ABCC3: variants seen among roughly 807,000 people sequenced by gnomAD.
ABCC3 encodes the protein ATP-binding cassette sub-family C member 3.
Under a neutral mutation model 165.3 loss-of-function variants are expected in ABCC3, and 121 were observed. The ratio of observed to expected loss-of-function variants is 0.73; its 90% CI spans 0.63 to 0.85. The LOEUF (loss-of-function observed/expected upper bound fraction) is 0.85, where lower values mean the gene tolerates loss of function less well. Among genes scored for constraint, ABCC3 ranks in the 40% least tolerant of loss-of-function variants. The pLI is 0.00. For missense variants in ABCC3, 1,869 were observed against 1,964.1 expected (o/e 0.95, Z 0.92); for synonymous variants, 733 against 810.1 (o/e 0.90, Z 1.62).
At chr17:50,640,784 A>C (rs1300299746) in intron 1 of ABCC3, among the ~76,000 whole-genome samples, 1 of 152,182 alleles carries the variant, frequency 6.6e-6, no homozygotes, top group Non-Finnish European at 1.5e-5. Context: ...CGGCCTCCCA[A>C]AGTGCTGGGA....
chr17:50,688,860 G>T (rs115302716), intron 30 of ABCC3, among the ~76,000 whole-genome samples: 1 of 150,984 alleles, frequency 6.6e-6, no homozygotes, highest in Non-Finnish European at 1.5e-5. Context: ...CCAAGATTAC[G>T]CCAGGACACT....
In ABCC3 at chr17:50,661,005, C is replaced by G. The variant is rs1173003953; in HGVS notation, c.889C>G (p.Pro297Ala). The G allele has an allele frequency of 6.2e-7, 1 of 1,614,104 alleles. No homozygotes were observed. Among genetic ancestry groups the G allele is most frequent in the South Asian group, 1.1e-5 (1 of 91,080 alleles). ...LLGARPRPRK[P>A]SFLKALLATF... is the part of the protein sequence containing the mutation. The stretch of plus-strand genomic sequence containing the variant: ...GGGTGCCCGGCCCAGGCCCCGGAAG[C>G]CCTCCTTCCTGAAGGCCCTGCTGGC... The change falls in exon 8 of 31, where the codon CCC becomes GCC. Residue 297 changes from proline to alanine, a missense_variant. Coordinates refer to ENST00000285238, the MANE Select transcript of ABCC3 (RefSeq NM_003786.4).
At chr17:50,651,000 G>A (rs531354477) in intron 1 of ABCC3, among the ~76,000 whole-genome samples, 2 of 146,628 alleles carry the variant, frequency 1.4e-5, no homozygotes, top group African/African-American at 5.0e-5. Flanking sequence ...AGGAGGTGGA[G>A]GTTGCAGTGA....
At chr17:50,680,045 C>A in intron 26 of ABCC3, 146 bp downstream of exon 26, 1 of 644,466 alleles carries the variant, frequency 1.6e-6, no homozygotes, top group South Asian at 1.8e-5. Flanking sequence ...GAGCATCAAC[C>A]AATGCTCTAT....
chr17:50,673,902 T>C (rs982926900), intron 19 of ABCC3, among the ~76,000 whole-genome samples: 8 of 9,294 alleles, frequency 8.6e-4, no homozygotes, highest in African/African-American at 3.9e-3. Flanking sequence ...AGAGCCTGTT[T>C]TCTTTCTTTC....
At chr17:50,660,812 A>C in intron 7 of ABCC3, 111 bp from the exon 8 acceptor site, 2 of 855,924 alleles carry the variant, frequency 2.3e-6, no homozygotes, top group South Asian at 1.7e-5. Flanking sequence ...TCTGAGAGCC[A>C]AGAAAACAGC....
rs577246238 is a variant in ABCC3 at position 50,673,139 on chromosome 17, G to A, written c.2409+1G>A. The A allele has an allele frequency of 2.5e-6, 4 of 1,613,682 alleles. No homozygotes were observed. The highest frequency in any genetic ancestry group is 3.3e-5 in the Admixed American group (2 of 60,032). ...GCCAGAAGGCGTGCTGGCAGGCAAGGTGAGGCCTGCCAGAGGCTAAGGGGG... is the reference window on the plus strand; with the variant it reads ...GCCAGAAGGCGTGCTGGCAGGCAAGATGAGGCCTGCCAGAGGCTAAGGGGG... On this transcript the variant is annotated splice_donor_variant, in intron 18 of 30. Coordinates refer to ENST00000285238, the MANE Select transcript of ABCC3 (RefSeq NM_003786.4). LOFTEE classifies it high-confidence loss of function.
chr17:50,674,569 A>G (rs1372123110), intron 19 of ABCC3: 1 of 152,344 alleles, frequency 6.6e-6, no homozygotes, highest in African/African-American at 2.4e-5. Context: ...CAAAAAAATT[A>G]TAGTCCTCAT....
At position 50,676,619 on chromosome 17, in the gene ABCC3, G is replaced by C. The variant is rs367642973; in HGVS notation, c.3378+31G>C. ...GGGTGGGCGTGATTCCAGTGTGGGC[G>C]TGGTGTTATTGGGGCGGGGCAACAC... On this transcript the variant is annotated intron_variant, in intron 23 of 30. Transcript: ENST00000285238. 3.8e-6 allele frequency: 6 copies of C among 1,560,676 alleles called. No homozygotes were observed. In the African/African-American group the frequency reaches 5.4e-5, roughly 14 times the overall value.
rs964320698 is a variant in ABCC3, at chr17:50,634,964, C to A, written c.28C>A (p.Leu10Ile). MDALCGSGELGSKFWDSNLS... is the reference protein window; with the variant it reads MDALCGSGEIGSKFWDSNLS... ...GGACGCCCTGTGCGGTTCCGGGGAG[C>A]TCGGCTCCAAGTTCTGGGTAAGGCG... is the stretch of plus-strand genomic sequence containing the variant. Residue 10 changes from leucine to isoleucine, a missense_variant, in exon 1 of 31, where the codon CTC becomes ATC. Leu to Ile is a conservative substitution (Grantham distance 5). Transcript: ENST00000285238. The A allele has an allele frequency of 2.5e-5, 32 of 1,260,486 alleles. No individual in the cohort carries two copies. Among genetic ancestry groups the A allele is most frequent in the Non-Finnish European group, 3.1e-5 (31 of 1,000,616 alleles). 78.1% of individuals were successfully genotyped at this position (1,260,486 alleles called of 1,614,324 possible).
chr17:50,639,912 C>T (rs771147985), intron 1 of ABCC3, among the ~76,000 whole-genome samples: 5 of 152,032 alleles, frequency 3.3e-5, no homozygotes, highest in Admixed American at 2.0e-4. Flanking sequence ...TACAGGTGCA[C>T]ACCACCATGC....
In ABCC3 at chr17:50,661,010, CT is replaced by C; in HGVS notation, c.896del (p.Phe299SerfsTer2). The C allele has an allele frequency of 6.2e-7, 1 of 1,614,138 alleles. No individual in the cohort carries two copies. Among genetic ancestry groups the C allele is most frequent in the Non-Finnish European group, 8.5e-7 (1 of 1,180,010 alleles). ...GARPRPRKPSFLKALLATFGS... is the reference protein window; with the variant it reads ...GARPRPRKPSXLKALLATFGS... ...CCCGGCCCAGGCCCCGGAAGCCCTC[CT>C]TCCTGAAGGCCCTGCTGGCCACCTT... is the stretch of plus-strand genomic sequence containing the variant. On this transcript the variant is annotated frameshift_variant, in exon 8 of 31. Coordinates refer to ENST00000285238, the MANE Select transcript of ABCC3 (RefSeq NM_003786.4). LOFTEE classifies it high-confidence loss of function.
rs1485579722 is a variant in ABCC3 at position 50,659,226 on chromosome 17, C to G, written c.675-11C>G. 6.2e-7 allele frequency: 1 copy of G among 1,612,918 alleles called. No individual in the cohort carries two copies. The highest frequency in any genetic ancestry group is 1.3e-5 in the African/African-American group (1 of 74,884). Reference sequence around the variant, plus strand: ...CTGCGGGGCTGCCTGCCGGGCTTCACCTCCCCCCAGGATGGCCATCTATGG... The same window carrying G: ...CTGCGGGGCTGCCTGCCGGGCTTCAGCTCCCCCCAGGATGGCCATCTATGG... On this transcript the variant is annotated splice_polypyrimidine_tract_variant and intron_variant, in intron 6 of 30. Coordinates refer to ENST00000285238, the MANE Select transcript of ABCC3 (RefSeq NM_003786.4).
chr17:50,654,866 G>A (rs1967190534), intron 1 of ABCC3, among the ~76,000 whole-genome samples: 1 of 151,008 alleles, frequency 6.6e-6, no homozygotes, highest in African/African-American at 2.4e-5. Flanking sequence ...GCCGAGGCGG[G>A]CAGGTCGTAA....
At position 50,679,809 on chromosome 17, in the gene ABCC3, TCTGAA is replaced by T; in HGVS notation, c.3721_3725del (p.Asn1241AspfsTer11). On this transcript the variant is annotated frameshift_variant, in exon 26 of 31. Coordinates refer to ENST00000285238, the MANE Select transcript of ABCC3 (RefSeq NM_003786.4). LOFTEE classifies it high-confidence loss of function. ...GTCCCTTTGGCCAGGTGACATTTGC[TCTGAA>T]CTGGATGATACGAATGATGTCAGAT... The T allele has an allele frequency of 6.2e-7, 1 of 1,613,980 alleles. No homozygotes were observed.
At chr17:50,683,874 C>A (rs1967971985) in intron 27 of ABCC3, 75 bp from the exon 28 acceptor site, 2 of 1,563,694 alleles carry the variant, frequency 1.3e-6, no homozygotes, top group East Asian at 2.3e-5. Flanking sequence ...GTTTGTTCGG[C>A]CTCCAGGAGA....
rs1237945116 is a variant in ABCC3 at position 50,669,182 on chromosome 17, G to C, written c.1980G>C (p.Val660=). ...CGAAAGGGGCACTGGTGGCCGTGGT[G>C]GGGCCTGTGGGCTGTGGGAAGTCCT... The part of the protein sequence containing the change: ...QVPKGALVAV[V]GPVGCGKSSL... The change falls in exon 16 of 31, where the codon GTG becomes GTC. Residue 660 remains valine, a synonymous_variant. Transcript: ENST00000285238. 2.5e-6 allele frequency: 4 copies of C among 1,605,674 alleles called. No homozygotes were observed. In the East Asian group the frequency reaches 8.9e-5, roughly 36 times the overall value.
At chr17:50,658,289 T>G in intron 5 of ABCC3, 82 bp downstream of exon 5, 1 of 1,605,310 alleles carries the variant, frequency 6.2e-7, no homozygotes, top group Non-Finnish European at 8.5e-7. Flanking sequence ...ACCCCTCCAG[T>G]TCCTTTCAAA....
chr17:50,635,804 G>A, intron 1 of ABCC3: 2 of 574,848 alleles, frequency 3.5e-6, no homozygotes, highest in East Asian at 5.7e-5. Context: ...GATCACTTCA[G>A]CCCAGGAGTT....
Sources: allele counts gnomAD v4.1 joint callset (sites outside exome capture counted in the v4.1 genomes callset), GRCh38; gene constraint gnomAD v4.1.1; transcripts MANE v1.5; gene names NCBI Gene and HGNC (gene_info 2026-07-23, HGNC 2026-07-21).